The following KPNA5 variants were observed in gnomAD, a reference collection of about 807,000 sequenced individuals.
The protein encoded by KPNA5 is importin subunit alpha-6.
In KPNA5, 46 loss-of-function variants were observed where a neutral mutation model predicts 71.3. The observed-to-expected ratio is 0.65, with a 90% CI of 0.51 to 0.83. KPNA5 has a LOEUF of 0.83. Ranked by LOEUF, KPNA5 falls within the 40% of genes least tolerant of loss-of-function variation. KPNA5 has a pLI of 0.00. For synonymous variants in KPNA5, 207 were observed against 201.4 expected (o/e 1.03, Z -0.24); for missense variants, 547 against 628.3 (o/e 0.87, Z 1.38).
At chr6:116,709,911 C>T (rs1778588098) in intron 7 of KPNA5, among the ~76,000 whole-genome samples, 1 of 152,072 alleles carries the variant, frequency 6.6e-6, no homozygotes, top group Non-Finnish European at 1.5e-5. Flanking sequence ...CAAGCGTGCA[C>T]TACCACGCCC....
intron 8 of KPNA5, among the ~76,000 whole-genome samples, chr6:116,720,889 A>G (rs1221900257): frequency 6.6e-6 from 1 of 152,216 alleles, no homozygotes; most frequent in Non-Finnish European, 1.5e-5. Flanking sequence ...GTGGTTGGCA[A>G]GGGTGGAAGC....
intron 4 of KPNA5, among the ~76,000 whole-genome samples, chr6:116,697,279 T>C (rs1562434172): frequency 6.6e-6 from 1 of 152,088 alleles, no homozygotes; most frequent in Non-Finnish European, 1.5e-5. Flanking sequence ...CAGTATAAGT[T>C]AGGGTCTGGA....
intron 6 of KPNA5, among the ~76,000 whole-genome samples, chr6:116,703,387 C>T (rs533981796): frequency 2.2e-4 from 34 of 151,984 alleles, no homozygotes; most frequent in East Asian, 1.5e-3. Context: ...CTCAGCCTTC[C>T]GAGTAGCTGG....
chr6:116,708,085 T>C (rs9400950), intron 7 of KPNA5, among the ~76,000 whole-genome samples: 42,356 of 152,010 alleles, frequency 0.28, 6,628 homozygotes, highest in African/African-American at 0.43. Context: ...TGTATCAGGA[T>C]TTCGTTCTTT....
intron 12 of KPNA5, 57 bp downstream of exon 12, chr6:116,726,679 A>G: frequency 7.2e-7 from 1 of 1,393,538 alleles, no homozygotes; most frequent in Non-Finnish European, 9.7e-7. Context: ...AAGTTGAAAT[A>G]AAACATATTT....
intron 13 of KPNA5, among the ~76,000 whole-genome samples, chr6:116,731,361 A>G (rs1779475366): frequency 6.6e-6 from 1 of 152,150 alleles, no homozygotes; most frequent in Non-Finnish European, 1.5e-5. Context: ...TTGTCTTACT[A>G]CAGTCATTAT....
chr6:116,724,758 A>G (rs1338060621), intron 10 of KPNA5, among the ~76,000 whole-genome samples: 8 of 151,960 alleles, frequency 5.3e-5, no homozygotes, highest in Non-Finnish European at 1.2e-4. Context: ...GCAGGTGTGC[A>G]CCACCACACC....
Position 116,732,108 on chromosome 6 carries a change from A to G in KPNA5, c.1433-28A>G. The G allele has an allele frequency of 1.2e-5, 2 of 166,348 alleles. 1 individual carries two copies. Among genetic ancestry groups the G allele is most frequent in the Non-Finnish European group, 2.2e-5 (2 of 90,886 alleles). 10.3% of individuals were successfully genotyped at this position (166,348 alleles called of 1,614,324 possible). A position where few individuals can be genotyped will look rare whatever the true frequency, so the allele number is the denominator to read the frequency against. On this transcript the variant is annotated intron_variant, in intron 13 of 13. Coordinates refer to ENST00000368564, the MANE Select transcript of KPNA5 (RefSeq NM_001366306.2). The stretch of plus-strand genomic sequence containing the variant: ...TATATATATATATATATATATATAT[A>G]TATATATATATATACTTTGTATAAC...
Position 116,732,410 on chromosome 6 carries a change from T to C in KPNA5, c.*87T>C. 4.2e-6 allele frequency: 3 copies of C among 709,372 alleles called. No homozygotes were observed. The highest frequency in any genetic ancestry group is 6.4e-6 in the Non-Finnish European group (3 of 471,982). The allele number at this position is 709,372 out of a possible 1,614,324, so 43.9% of individuals were successfully genotyped here. On this transcript the variant is annotated 3_prime_UTR_variant, in exon 14 of 14. Transcript: ENST00000368564. ...GCCAATGTAAGAATGTTTGTTTTTT[T>C]ACATAGAACAGTAAAGAGAATTTGA...
At position 116,735,657 on chromosome 6, in the gene KPNA5, C is replaced by A. The variant is rs146146445; in HGVS notation, c.*3334C>A. The A allele has an allele frequency of 1.3e-5, 2 of 151,614 alleles. No individual in the cohort carries two copies. The highest frequency in any genetic ancestry group is 3.9e-4 in the East Asian group (2 of 5,172). 9.4% of individuals were successfully genotyped at this position (151,614 alleles called of 1,614,324 possible). On this transcript the variant is annotated 3_prime_UTR_variant, in exon 14 of 14. Transcript: ENST00000368564. The stretch of plus-strand genomic sequence containing the variant: ...AAAATTGCATTTATATAAATGTGTC[C>A]ATTTCATTTTTTCTTAAGATTGTTG...
intron 8 of KPNA5, among the ~76,000 whole-genome samples, chr6:116,717,059 T>G (rs1399769541): frequency 1.3e-5 from 2 of 152,138 alleles, no homozygotes; most frequent in Non-Finnish European, 2.9e-5. Flanking sequence ...TTACTGCCTA[T>G]TCACGTTAAC....
chr6:116,697,184 C>T (rs1778060123), intron 4 of KPNA5, among the ~76,000 whole-genome samples: 1 of 151,872 alleles, frequency 6.6e-6, no homozygotes, highest in South Asian at 2.1e-4. Flanking sequence ...ATAATTGCAA[C>T]CCTATAATTT....
chr6:116,740,945 GTAAC>G lies in KPNA5; in HGVS notation c.*8627_*8630del, dbSNP rs1779852417. ...ACCAACATGGCACATGTATACATAT[GTAAC>G]TAACCTGCACATTGTGCACATGTAC... On this transcript the variant is annotated 3_prime_UTR_variant, in exon 14 of 14. Transcript: ENST00000368564. 6.6e-6 allele frequency: 1 copy of G among 151,840 alleles called. No homozygotes were observed. Among genetic ancestry groups the G allele is most frequent in the Admixed American group, 6.6e-5 (1 of 15,226 alleles). 9.4% of individuals were successfully genotyped at this position (151,840 alleles called of 1,614,324 possible). A position where few individuals can be genotyped will look rare whatever the true frequency, so the allele number is the denominator to read the frequency against.
At chr6:116,724,541 T>G (rs1034743770) in intron 10 of KPNA5, among the ~76,000 whole-genome samples, 166 bp downstream of exon 10, 3 of 152,152 alleles carry the variant, frequency 2.0e-5, no homozygotes, top group African/African-American at 7.2e-5. Context: ...GAAGATGTGC[T>G]GTCAAGATTG....
In KPNA5 at chr6:116,734,728, A is replaced by AAG. The variant is rs1779610401; in HGVS notation, c.*2406_*2407insGA. ...GAGCCCTGACCAGGAAAAAAAAAAA[A>AAG]AAAGAAAGAAAGAAAAGAAAAAAAT... On this transcript the variant is annotated 3_prime_UTR_variant, in exon 14 of 14. Coordinates refer to ENST00000368564, the MANE Select transcript of KPNA5 (RefSeq NM_001366306.2). 3 of 151,122 alleles carry AAG rather than the reference A, an allele frequency of 2.0e-5. No homozygotes were observed. Among genetic ancestry groups the AAG allele is most frequent in the Middle Eastern group, 3.4e-3 (1 of 294 alleles). The allele number at this position is 151,122 out of a possible 1,614,324, so 9.4% of individuals were successfully genotyped here. A position where few individuals can be genotyped will look rare whatever the true frequency, so the allele number is the denominator to read the frequency against.
chr6:116,710,906 T>G (rs1415037287), intron 7 of KPNA5, among the ~76,000 whole-genome samples: 14,654 of 109,046 alleles, frequency 0.13, 1,581 homozygotes, highest in African/African-American at 0.21. Flanking sequence ...TTTTTTTTTT[T>G]TTTTTTGAGT....
At chr6:116,721,460 C>A (rs6568963) in intron 8 of KPNA5, among the ~76,000 whole-genome samples, 1 of 151,782 alleles carries the variant, frequency 6.6e-6, no homozygotes, top group African/African-American at 2.4e-5. Flanking sequence ...GCTTAACATA[C>A]TTCTTAACTG....
rs1778118840 is a variant in KPNA5, at chr6:116,698,712, C to G, written c.349C>G (p.Pro117Ala). The G allele has an allele frequency of 6.3e-7, 1 of 1,576,196 alleles. No individual in the cohort carries two copies. Among genetic ancestry groups the G allele is most frequent in the East Asian group, 2.3e-5 (1 of 43,750 alleles). Reference sequence around the variant, plus strand: ...TCTTTTTAAATTTTTAGAACCTAATCCACCAATAGATCAAGTTATACAGAA... The same window carrying G: ...TCTTTTTAAATTTTTAGAACCTAATGCACCAATAGATCAAGTTATACAGAA... ...FRKLLSKEPN[P>A]PIDQVIQKPG... The change falls in exon 5 of 14, where the codon CCA becomes GCA. Residue 117 changes from proline to alanine, a missense_variant. Physicochemically the swap from Pro to Ala is conservative, Grantham distance 27. Coordinates refer to ENST00000368564, the MANE Select transcript of KPNA5 (RefSeq NM_001366306.2).
At position 116,681,269 on chromosome 6, in the gene KPNA5, C is replaced by G; in HGVS notation, c.-66C>G. 1.2e-6 allele frequency: 2 copies of G among 1,602,278 alleles called. No homozygotes were observed. The highest frequency in any genetic ancestry group is 2.2e-5 in the South Asian group (2 of 90,598). On this transcript the variant is annotated 5_prime_UTR_variant, in exon 1 of 14. Coordinates refer to ENST00000368564, the MANE Select transcript of KPNA5 (RefSeq NM_001366306.2). ...CGCCAGGGGCGGAGTGGCGGCCCTT[C>G]TGTTACCCGCCACACACGTCGCCGC...
Sources: gnomAD v4.1 joint callset for allele counts (sites outside exome capture counted in the v4.1 genomes callset) on GRCh38, gnomAD v4.1.1 for gene constraint, MANE v1.5 for transcripts, NCBI Gene and HGNC (gene_info 2026-07-23, HGNC 2026-07-21) for gene names.